The following AP1S3 variants were observed in gnomAD, a reference collection of about 807,000 sequenced individuals.
The protein encoded by AP1S3 is adaptor related protein complex 1 subunit sigma 3.
A neutral mutation model predicts 20.9 loss-of-function variants in AP1S3; 10 were observed. The observed-to-expected ratio is 0.48, with a 90% confidence interval of 0.29 to 0.81. The LOEUF is 0.81. Ranked by LOEUF, AP1S3 falls within the 30% of genes least tolerant of loss-of-function variation. AP1S3 has a pLI of 0.08. For synonymous variants in AP1S3, 41 were observed against 61.5 expected, an observed-to-expected ratio of 0.67 and a Z score of 1.56; for missense variants, 154 against 183.8, an observed-to-expected ratio of 0.84 and a Z score of 0.94.
intron 1 of AP1S3, among the ~76,000 whole-genome samples, chr2:223,789,376 CA>C (rs368458501): frequency 6.6e-6 from 1 of 151,738 alleles, no homozygotes; most frequent in East Asian, 1.9e-4. Context: ...GGACCCCCCC[CA>C]AAAAAATAGA....
chr2:223,781,711 G>T (rs1198391159), intron 1 of AP1S3, among the ~76,000 whole-genome samples: 2 of 152,128 alleles, frequency 1.3e-5, no homozygotes, highest in African/African-American at 4.8e-5. Context: ...GCATAAAATA[G>T]AATGGTTATA....
intron 4 of AP1S3, 56 bp downstream of exon 4, chr2:223,765,157 C>CA (rs764435968): frequency 1.9e-6 from 3 of 1,559,520 alleles, no homozygotes; most frequent in East Asian, 2.3e-5. Flanking sequence ...TAATTATTAA[C>CA]ACCATCATCA....
chr2:223,792,074 C>G (rs1290735437), intron 1 of AP1S3, among the ~76,000 whole-genome samples: 1 of 152,162 alleles, frequency 6.6e-6, no homozygotes, highest in Admixed American at 6.5e-5. Flanking sequence ...CCATATTGCA[C>G]AAAGCAATGT....
At chr2:223,785,341 TCAAAAAATAAAAA>T (rs1691048363) in intron 1 of AP1S3, among the ~76,000 whole-genome samples, 1 of 151,872 alleles carries the variant, frequency 6.6e-6, no homozygotes, top group African/African-American at 2.4e-5. Context: ...AAACTCCATC[TCAAAAAATAAAAA>T]CAAAAATAAA....
At chr2:223,795,693 T>C (rs951129974) in intron 1 of AP1S3, among the ~76,000 whole-genome samples, 13 of 152,316 alleles carry the variant, frequency 8.5e-5, no homozygotes, top group Non-Finnish European at 1.5e-4. Context: ...CCCGGCTCTG[T>C]CATTTATGAG....
intron 1 of AP1S3, 118 bp downstream of exon 1, chr2:223,837,330 G>C: frequency 2.2e-6 from 1 of 447,374 alleles, no homozygotes; most frequent in Non-Finnish European, 3.5e-6. Flanking sequence ...CGGGTGGCCA[G>C]GCGGGACTCG....
chr2:223,830,476 C>G (rs1271445278), intron 1 of AP1S3, among the ~76,000 whole-genome samples: 95 of 99,704 alleles, frequency 9.5e-4, no homozygotes, highest in African/African-American at 3.7e-3. Context: ...GAGACTCTCT[C>G]TCAAAAAAAA....
chr2:223,764,249 T>A (rs1690427401), intron 4 of AP1S3, among the ~76,000 whole-genome samples: 1 of 152,154 alleles, frequency 6.6e-6, no homozygotes, highest in Admixed American at 6.5e-5. Context: ...TGCTTTACAA[T>A]GCTCTGGATC....
chr2:223,765,115 G>C, intron 4 of AP1S3, 98 bp downstream of exon 4: 1 of 1,520,198 alleles, frequency 6.6e-7, no homozygotes, highest in South Asian at 1.3e-5. Context: ...ACCCAGCACA[G>C]AGTAAGTACT....
chr2:223,805,423 C>G (rs546158501), intron 1 of AP1S3, among the ~76,000 whole-genome samples: 71 of 152,106 alleles, frequency 4.7e-4, no homozygotes, highest in African/African-American at 1.6e-3. Flanking sequence ...AGCCTGGTGA[C>G]AGAAGCGAAA....
chr2:223,810,501 G>A (rs1691698947), intron 1 of AP1S3, among the ~76,000 whole-genome samples: 1 of 152,074 alleles, frequency 6.6e-6, no homozygotes, highest in South Asian at 2.1e-4. Flanking sequence ...TAGAGACAGG[G>A]TTTTGCCATG....
chr2:223,833,562 T>G (rs1301471297), intron 1 of AP1S3, among the ~76,000 whole-genome samples: 3 of 152,144 alleles, frequency 2.0e-5, no homozygotes, highest in Middle Eastern at 3.2e-3. Flanking sequence ...ATTTTCTGTG[T>G]GTAAAGTACT....
chr2:223,780,353 AGAGAGTGTGTGT>A (rs1559280872), intron 1 of AP1S3, among the ~76,000 whole-genome samples: 13 of 58,568 alleles, frequency 2.2e-4, no homozygotes, highest in Admixed American at 2.5e-4. Context: ...AGAGAGAGAG[AGAGAGTGTGTGT>A]GTGTGTGTGT....
intron 4 of AP1S3, among the ~76,000 whole-genome samples, chr2:223,764,621 AG>A (rs1690434717): frequency 6.6e-6 from 1 of 152,150 alleles, no homozygotes; most frequent in Non-Finnish European, 1.5e-5. Flanking sequence ...TGCAAGCAGG[AG>A]CACACATACA....
At chr2:223,827,956 G>A (rs1692169910) in intron 1 of AP1S3, among the ~76,000 whole-genome samples, 1 of 150,406 alleles carries the variant, frequency 6.6e-6, no homozygotes, top group Admixed American at 6.7e-5. Flanking sequence ...CTACTCAGGA[G>A]GCTGAGGCAG....
intron 1 of AP1S3, among the ~76,000 whole-genome samples, chr2:223,778,412 C>T (rs1690843358): frequency 6.6e-6 from 1 of 152,002 alleles, no homozygotes; most frequent in African/African-American, 2.4e-5. Flanking sequence ...AGGCATGAGT[C>T]ACCACACCTG....
At position 223,825,837 on chromosome 2, in the gene AP1S3, G is replaced by A. The variant is rs138844002; in HGVS notation, c.3+11611C>T. Among the ~76,000 whole-genome samples, 228 of 151,460 alleles carry A rather than the reference G, an allele frequency of 1.5e-3. 1 individual carries two copies. The highest frequency in any genetic ancestry group is 5.3e-3 in the African/African-American group (218 of 41,262). Reference sequence around the variant, plus strand: ...TTTGAGACCAGCCTGGCCAACATGGGGAAACCCCATCTCTACTCAAAAGAC... The same window carrying A: ...TTTGAGACCAGCCTGGCCAACATGGAGAAACCCCATCTCTACTCAAAAGAC... On this transcript the variant is annotated intron_variant, in intron 1 of 4. Coordinates refer to ENST00000396654, the MANE Select transcript of AP1S3 (RefSeq NM_001039569.2).
intron 1 of AP1S3, among the ~76,000 whole-genome samples, chr2:223,807,801 C>G (rs1046286634): frequency 1.3e-5 from 2 of 148,530 alleles, no homozygotes; most frequent in African/African-American, 2.5e-5. Context: ...GTATAGCCTG[C>G]AGAACTATGA....
chr2:223,832,065 A>G (rs2106042710), intron 1 of AP1S3, among the ~76,000 whole-genome samples: 1 of 146,112 alleles, frequency 6.8e-6, no homozygotes, highest in African/African-American at 2.5e-5. Context: ...AGACAGAGTA[A>G]GACTCCGTCT....
Sources: gnomAD v4.1 joint callset for allele counts (sites outside exome capture counted in the v4.1 genomes callset) on GRCh38, gnomAD v4.1.1 for gene constraint, MANE v1.5 for transcripts, NCBI Gene and HGNC (gene_info 2026-07-23, HGNC 2026-07-21) for gene names.